C12orf42: variants seen among roughly 807,000 people sequenced by gnomAD.
The protein encoded by C12orf42 is chromosome 12 open reading frame 42, also known as uncharacterized protein C12orf42.
Under a neutral mutation model 21.6 loss-of-function variants are expected in C12orf42, and 25 were observed. That is an observed-to-expected ratio of 1.16 (90% CI 0.84 to 1.62). The LOEUF is 1.62. C12orf42 is among the 40% of genes most tolerant of loss of function. The pLI, the probability that C12orf42 is intolerant of heterozygous loss-of-function variation, is 0.00. For synonymous variants in C12orf42, 174 were observed against 175.0 expected (o/e 0.99, Z 0.05); for missense variants, 483 against 459.3 (o/e 1.05, Z -0.47).
chr12:103,167,485 T>C, the C12orf42 span, among the ~76,000 whole-genome samples: 5 of 152,176 alleles, frequency 3.3e-5, no homozygotes, highest in South Asian at 1.0e-3. Context: ...GAGTCTTTTA[T>C]TGAACTCACT....
At position 103,368,826 on chromosome 12, in the gene C12orf42, G is replaced by A. The variant is rs1370404527; in HGVS notation, c.259+61C>T. On this transcript the variant is annotated intron_variant, in intron 4 of 5. Transcript: ENST00000548883. The stretch of plus-strand genomic sequence containing the variant: ...AATACAATCTTTATGATTATTACCT[G>A]TACATAGTCCAGAGTTTCTTTGGAA... 2.5e-5 allele frequency: 21 copies of A among 851,156 alleles called. No homozygotes were observed. The East Asian group carries it at 5.6e-4, about 23-fold the overall frequency. The allele number at this position is 851,156 out of a possible 1,614,324, so 52.7% of individuals were successfully genotyped here.
chr12:103,300,972 T>A (rs975097151), downstream of C12orf42, among the ~76,000 whole-genome samples: 3 of 152,208 alleles, frequency 2.0e-5, no homozygotes, highest in Non-Finnish European at 4.4e-5. Flanking sequence ...GGGATTCCAT[T>A]TTTCTTTAAA....
At chr12:103,530,161 G>A in the C12orf42 span, among the ~76,000 whole-genome samples, 1 of 152,282 alleles carries the variant, frequency 6.6e-6, no homozygotes, top group Admixed American at 6.5e-5. Flanking sequence ...CTTTTTTAGA[G>A]ATTCCTCTGA....
the C12orf42 span, among the ~76,000 whole-genome samples, chr12:103,126,727 A>G: frequency 1.3e-5 from 2 of 152,164 alleles, no homozygotes; most frequent in Non-Finnish European, 2.9e-5. Flanking sequence ...AGATGCTTAT[A>G]TAACAGTTCG....
chr12:103,344,637 A>G (rs2042453568), intron 4 of C12orf42, among the ~76,000 whole-genome samples: 1 of 152,176 alleles, frequency 6.6e-6, no homozygotes, highest in Non-Finnish European at 1.5e-5. Flanking sequence ...TAAACTGTTC[A>G]TTCTCAAAAA....
At chr12:103,109,899 G>T in the C12orf42 span, among the ~76,000 whole-genome samples, 7 of 152,080 alleles carry the variant, frequency 4.6e-5, no homozygotes, top group South Asian at 2.1e-4. Flanking sequence ...TATTAATGAA[G>T]TAATTCACAG....
At chr12:103,078,144 A>G in the C12orf42 span, among the ~76,000 whole-genome samples, 1 of 152,190 alleles carries the variant, frequency 6.6e-6, no homozygotes, top group South Asian at 2.1e-4. Flanking sequence ...GGGAGAAGAA[A>G]CTAACAGGTA....
intron 2 of C12orf42, among the ~76,000 whole-genome samples, chr12:103,424,244 C>T (rs902601656): frequency 2.0e-5 from 3 of 152,216 alleles, no homozygotes; most frequent in Non-Finnish European, 2.9e-5. Context: ...AATGAATCTA[C>T]GAACTGAATC....
intron 4 of C12orf42, among the ~76,000 whole-genome samples, chr12:103,292,703 C>A (rs1464459893): frequency 1.3e-5 from 2 of 151,986 alleles, no homozygotes; most frequent in Admixed American, 1.3e-4. Flanking sequence ...GCTAGGTATA[C>A]TGACTAATAA....
intron 3 of C12orf42, among the ~76,000 whole-genome samples, chr12:103,381,644 T>C (rs1169079280): frequency 6.6e-6 from 1 of 152,110 alleles, no homozygotes; most frequent in Non-Finnish European, 1.5e-5. Flanking sequence ...TTGGGCCGGG[T>C]TGGTGGCTCA....
At chr12:103,112,025 T>C in the C12orf42 span, among the ~76,000 whole-genome samples, 1 of 152,194 alleles carries the variant, frequency 6.6e-6, no homozygotes. Flanking sequence ...TGAGTTTTAG[T>C]CTGTGGTCTT....
At chr12:103,316,008 C>T (rs778818394) in intron 4 of C12orf42, among the ~76,000 whole-genome samples, 3 of 150,424 alleles carry the variant, frequency 2.0e-5, no homozygotes, top group Non-Finnish European at 4.4e-5. Flanking sequence ...AGACAAAATG[C>T]TTTTATGTAT....
chr12:103,146,758 A>G, the C12orf42 span, among the ~76,000 whole-genome samples: 1 of 152,284 alleles, frequency 6.6e-6, no homozygotes, highest in African/African-American at 2.4e-5. Context: ...ACAAAGAACA[A>G]TGTTATTTCG....
the C12orf42 span, among the ~76,000 whole-genome samples, chr12:103,049,254 T>A: frequency 6.6e-6 from 1 of 152,202 alleles, no homozygotes; most frequent in Non-Finnish European, 1.5e-5. Context: ...ATCTTTGCCA[T>A]TTCAGTGAAC....
At chr12:103,145,869 T>G in the C12orf42 span, among the ~76,000 whole-genome samples, 1 of 151,724 alleles carries the variant, frequency 6.6e-6, no homozygotes, top group Non-Finnish European at 1.5e-5. Context: ...AAAAACAGAG[T>G]CCAAACAATA....
rs544028954 is a variant in C12orf42 at position 103,345,798 on chromosome 12, A to G, written c.259+23089T>C. On this transcript the variant is annotated intron_variant, in intron 4 of 5. Transcript: ENST00000548883. Reference sequence around the variant, plus strand: ...TTGTTGAGCCATGAAAAGAATATGTATACAGGTTTATTGAACTGAACTATG... The same window carrying G: ...TTGTTGAGCCATGAAAAGAATATGTGTACAGGTTTATTGAACTGAACTATG... Among the ~76,000 whole-genome samples, 28 of 152,320 alleles carry G rather than the reference A, an allele frequency of 1.8e-4. 1 individual carries two copies. Among genetic ancestry groups the G allele is most frequent in the African/African-American group, 6.5e-4 (27 of 41,576 alleles).
intron 4 of C12orf42, among the ~76,000 whole-genome samples, chr12:103,320,746 A>G (rs2040006094): frequency 6.6e-6 from 1 of 152,044 alleles, no homozygotes; most frequent in Non-Finnish European, 1.5e-5. Context: ...GAAAAAAAAA[A>G]TCAAGGAAAA....
chr12:103,419,622 T>G (rs867091076), intron 2 of C12orf42, among the ~76,000 whole-genome samples: 1 of 152,126 alleles, frequency 6.6e-6, no homozygotes, highest in African/African-American at 2.4e-5. Context: ...TGCTGGACTC[T>G]CAAATTCTCC....
the C12orf42 span, among the ~76,000 whole-genome samples, chr12:103,085,095 T>C: frequency 1.3e-5 from 2 of 152,228 alleles, no homozygotes; most frequent in Admixed American, 1.3e-4. Flanking sequence ...CAAAGATAAA[T>C]AATCTAGTGC....
Sources: allele counts gnomAD v4.1 joint callset (sites outside exome capture counted in the v4.1 genomes callset), GRCh38; gene constraint gnomAD v4.1.1; transcripts MANE v1.5; gene names NCBI Gene and HGNC (gene_info 2026-07-23, HGNC 2026-07-21).